Variants in TAF2 observed in about 807,000 individuals in gnomAD.
TAF2 encodes the protein TATA-box binding protein associated factor 2, also known as transcription initiation factor TFIID subunit 2.
TAF2 carries 61 observed loss-of-function variants against 138.5 expected under a neutral mutation model. The observed-to-expected ratio is 0.44, with a 90% CI of 0.36 to 0.54. The LOEUF (loss-of-function observed/expected upper bound fraction) is 0.54, where lower values mean the gene tolerates loss of function less well. Among genes scored for constraint, TAF2 ranks in the 20% least tolerant of loss-of-function variants. TAF2 has a pLI of 0.00. For missense variants in TAF2, 1,090 were observed against 1,427.9 expected, an observed-to-expected ratio of 0.76 and a Z score of 3.81; for synonymous variants, 475 against 469.9, an observed-to-expected ratio of 1.01 and a Z score of -0.14.
intron 18 of TAF2, among the ~76,000 whole-genome samples, chr8:119,773,575 TA>T (rs1821999972): frequency 6.6e-6 from 1 of 151,524 alleles, no homozygotes. Context: ...ATGAGGTAAG[TA>T]AAAATATGAG....
chr8:119,780,085 G>A (rs1310716439), intron 17 of TAF2, among the ~76,000 whole-genome samples: 1 of 151,962 alleles, frequency 6.6e-6, no homozygotes, highest in Non-Finnish European at 1.5e-5. Flanking sequence ...GGCTTCATTA[G>A]TTCTCTCTAC....
intron 3 of TAF2, among the ~76,000 whole-genome samples, chr8:119,818,673 T>C (rs1013805893): frequency 6.6e-6 from 1 of 151,616 alleles, no homozygotes; most frequent in African/African-American, 2.4e-5. Flanking sequence ...TTATACAAAC[T>C]ATACTACACT....
Position 119,791,327 on chromosome 8 carries a change from T to C in TAF2, c.1410A>G (p.Leu470=). The change falls in exon 11 of 26, where the codon CTA becomes CTG. Residue 470 remains leucine (L), a synonymous_variant. Transcript: ENST00000378164. ...AGTTCTTAACTTTAATACTTACTTG[T>C]AGCATAAATTCCATACTGATCCTAT... ...IENRISMEFM[L]QVFNKLLSLA... The C allele has an allele frequency of 6.2e-7, 1 of 1,613,426 alleles. No individual in the cohort carries two copies. Among genetic ancestry groups the C allele is most frequent in the Non-Finnish European group, 8.5e-7 (1 of 1,179,674 alleles).
intron 23 of TAF2, chr8:119,744,828 C>T (rs1475690642): frequency 4.6e-6 from 2 of 434,620 alleles, no homozygotes; most frequent in Non-Finnish European, 9.2e-6. Flanking sequence ...AAAAGATTTA[C>T]AAGAAGGTGA....
intron 21 of TAF2, among the ~76,000 whole-genome samples, chr8:119,757,141 TGTAA>T (rs758485792): frequency 1.3e-5 from 2 of 152,184 alleles, no homozygotes; most frequent in Non-Finnish European, 2.9e-5. Flanking sequence ...TAGGTTGTAG[TGTAA>T]GTAATTTAAC....
At chr8:119,819,856 C>A (rs917133683) in intron 2 of TAF2, among the ~76,000 whole-genome samples, 3 of 151,532 alleles carry the variant, frequency 2.0e-5, no homozygotes. Flanking sequence ...GAAAGGGAAT[C>A]AAAATCAGAA....
intron 6 of TAF2, among the ~76,000 whole-genome samples, chr8:119,798,510 G>A (rs1823995538): frequency 6.6e-6 from 1 of 152,164 alleles, no homozygotes; most frequent in Admixed American, 6.5e-5. Context: ...ACCGTGTAAG[G>A]TTTCATGCAG....
chr8:119,752,539 A>G (rs866489879), intron 22 of TAF2, among the ~76,000 whole-genome samples: 2 of 152,198 alleles, frequency 1.3e-5, no homozygotes, highest in Non-Finnish European at 2.9e-5. Context: ...TTCCCCTAGC[A>G]TATTTCTAAA....
chr8:119,760,647 CA>C lies in TAF2; in HGVS notation c.2649del (p.Phe883LeufsTer6), dbSNP rs1407925901. The C allele has an allele frequency of 6.2e-7, 1 of 1,613,808 alleles. No homozygotes were observed. Among genetic ancestry groups the C allele is most frequent in the Non-Finnish European group, 8.5e-7 (1 of 1,179,980 alleles). On this transcript the variant is annotated frameshift_variant, in exon 20 of 26. Coordinates refer to ENST00000378164, the MANE Select transcript of TAF2 (RefSeq NM_003184.4). LOFTEE classifies it high-confidence loss of function. Reference sequence around the variant, plus strand: ...TCCAAAGCTGCTATCCTAATGTCCACAAAGTGGCCATATTCAGCATAAGATT... The same window carrying C: ...TCCAAAGCTGCTATCCTAATGTCCACAAGTGGCCATATTCAGCATAAGATT... ...LFKSYAEYGH[F>X]VDIRIAALEA...
At chr8:119,778,742 C>A (rs1204839390) in intron 17 of TAF2, among the ~76,000 whole-genome samples, 2 of 152,194 alleles carry the variant, frequency 1.3e-5, no homozygotes, top group East Asian at 3.8e-4. Flanking sequence ...ATCTGAAATG[C>A]AGCCTAATTT....
chr8:119,782,362 G>C (rs1414384082), intron 16 of TAF2, among the ~76,000 whole-genome samples: 2 of 152,078 alleles, frequency 1.3e-5, no homozygotes, highest in Non-Finnish European at 2.9e-5. Flanking sequence ...CAATTTTATA[G>C]ACCTGCTAAG....
chr8:119,775,511 T>C (rs1822163588), intron 18 of TAF2, among the ~76,000 whole-genome samples: 1 of 151,804 alleles, frequency 6.6e-6, no homozygotes, highest in Non-Finnish European at 1.5e-5. Context: ...GAGACCAGCC[T>C]GGCCAACATG....
chr8:119,755,886 A>G lies in TAF2; in HGVS notation c.2878+120T>C, dbSNP rs936355670. 3.7e-6 allele frequency: 3 copies of G among 801,476 alleles called. No homozygotes were observed. In the African/African-American group the frequency reaches 5.2e-5, roughly 14 times the overall value. 49.6% of individuals were successfully genotyped at this position (801,476 alleles called of 1,614,324 possible). A position where few individuals can be genotyped will look rare whatever the true frequency, so the allele number is the denominator to read the frequency against. ...CTGTGAAGGTGTGATAGTCTACTTA[A>G]AAGAAAAAAAAAAATCTCAACTTTT... is the stretch of plus-strand genomic sequence containing the variant. On this transcript the variant is annotated intron_variant, in intron 22 of 25. Transcript: ENST00000378164.
At chr8:119,806,469 CTTTTTTTTTT>C (rs71571631) in intron 3 of TAF2, 68 bp from the exon 4 acceptor site, 2 of 761,482 alleles carry the variant, frequency 2.6e-6, no homozygotes, top group South Asian at 3.4e-5. Flanking sequence ...TTCTTTCTTT[CTTTTTTTTTT>C]TTTTTTTTTA....
intron 18 of TAF2, among the ~76,000 whole-genome samples, chr8:119,763,178 T>C (rs548610722): frequency 1.2e-4 from 18 of 152,180 alleles, no homozygotes; most frequent in African/African-American, 4.3e-4. Flanking sequence ...CTGACACACA[T>C]AATGCAGAGT....
intron 18 of TAF2, among the ~76,000 whole-genome samples, chr8:119,765,617 T>A (rs1454996922): frequency 1.3e-5 from 2 of 152,190 alleles, no homozygotes; most frequent in Non-Finnish European, 2.9e-5. Flanking sequence ...AACTTACTTA[T>A]AAGCACTGGA....
At chr8:119,814,465 TA>T (rs1406069696) in intron 3 of TAF2, among the ~76,000 whole-genome samples, 2 of 151,950 alleles carry the variant, frequency 1.3e-5, no homozygotes, top group Non-Finnish European at 2.9e-5. Flanking sequence ...CACAGCAATT[TA>T]AAAAAATCAT....
intron 23 of TAF2, chr8:119,744,977 C>G: frequency 2.2e-6 from 1 of 456,254 alleles, no homozygotes; most frequent in Non-Finnish European, 4.4e-6. Context: ...ACTTCCTCTT[C>G]ACTCCCTGCT....
In TAF2 at chr8:119,769,794, T is replaced by C. The variant is rs190738386; in HGVS notation, c.2365-7186A>G. On this transcript the variant is annotated intron_variant, in intron 18 of 25. Coordinates refer to ENST00000378164, the MANE Select transcript of TAF2 (RefSeq NM_003184.4). ...TTTTTTTTAGACAGAGTCTCGCTCT[T>C]GTCCCCAGGCTGGAGTGAAGTGGCG... 9.1e-3 allele frequency among the ~76,000 whole-genome samples: 1,380 copies of C among 151,594 alleles called. 20 individuals are homozygous for C. Among genetic ancestry groups the C allele is most frequent in the African/African-American group, 0.032 (1,317 of 41,316 alleles).
Sources: allele counts gnomAD v4.1 joint callset (sites outside exome capture counted in the v4.1 genomes callset), GRCh38; gene constraint gnomAD v4.1.1; transcripts MANE v1.5; gene names NCBI Gene and HGNC (gene_info 2026-07-23, HGNC 2026-07-21).